Variants in KCNU1 observed in about 807,000 individuals in gnomAD.
The protein encoded by KCNU1 is potassium calcium-activated channel subfamily U member 1.
Under a neutral mutation model 126.8 loss-of-function variants are expected in KCNU1, and 93 were observed. That is an observed-to-expected ratio of 0.73 (90% CI 0.62 to 0.87). The LOEUF (loss-of-function observed/expected upper bound fraction) is 0.87. Among genes scored for constraint, KCNU1 ranks in the 40% least tolerant of loss-of-function variants. KCNU1 has a pLI of 0.00. For missense variants in KCNU1, 1,330 were observed against 1,367.1 expected, an observed-to-expected ratio of 0.97 and a Z score of 0.43; for synonymous variants, 523 against 494.2, an observed-to-expected ratio of 1.06 and a Z score of -0.77.
intron 2 of KCNU1, among the ~76,000 whole-genome samples, chr8:36,802,952 G>A (rs949374381): frequency 2.2e-4 from 33 of 152,234 alleles, no homozygotes; most frequent in Admixed American, 5.9e-4. Flanking sequence ...AATTCAGTTG[G>A]AATCTCCAAA....
intron 19 of KCNU1, among the ~76,000 whole-genome samples, chr8:36,884,850 C>T (rs907729447): frequency 6.6e-6 from 1 of 152,028 alleles, no homozygotes; most frequent in Non-Finnish European, 1.5e-5. Context: ...ATAAGGAAAG[C>T]TGTGGTTGAA....
At chr8:36,907,086 C>A (rs1807661298) in intron 20 of KCNU1, among the ~76,000 whole-genome samples, 1 of 152,066 alleles carries the variant, frequency 6.6e-6, no homozygotes, top group Non-Finnish European at 1.5e-5. Context: ...GTTCAGAATA[C>A]CAACCAGGTC....
chr8:36,785,327 T>C (rs1404705822), intron 1 of KCNU1, among the ~76,000 whole-genome samples: 1 of 152,230 alleles, frequency 6.6e-6, no homozygotes, highest in Admixed American at 6.5e-5. Flanking sequence ...AGAGTTTTAC[T>C]ATACCCTGTG....
intron 10 of KCNU1, among the ~76,000 whole-genome samples, chr8:36,821,565 G>A (rs1423395399): frequency 1.3e-5 from 2 of 152,162 alleles, no homozygotes; most frequent in African/African-American, 2.4e-5. Flanking sequence ...TCTATAAAGA[G>A]ATGAGACTTT....
At chr8:36,872,566 T>C (rs911046914) in intron 19 of KCNU1, among the ~76,000 whole-genome samples, 2 of 152,100 alleles carry the variant, frequency 1.3e-5, no homozygotes, top group Non-Finnish European at 1.5e-5. Context: ...GTAAAATAAA[T>C]AATACAATCT....
intron 18 of KCNU1, among the ~76,000 whole-genome samples, chr8:36,846,292 G>A (rs1805142043): frequency 6.6e-6 from 1 of 152,136 alleles, no homozygotes; most frequent in Non-Finnish European, 1.5e-5. Flanking sequence ...GGTTGGCCAC[G>A]AGGATGCTAC....
chr8:36,835,596 C>T (rs571057009), intron 12 of KCNU1, among the ~76,000 whole-genome samples: 2 of 152,184 alleles, frequency 1.3e-5, no homozygotes, highest in Non-Finnish European at 2.9e-5. Flanking sequence ...CCACCTTAGC[C>T]TCCCAAAGTG....
At chr8:36,930,220 G>A (rs1407502232) in intron 24 of KCNU1, among the ~76,000 whole-genome samples, 2 of 151,778 alleles carry the variant, frequency 1.3e-5, no homozygotes, top group African/African-American at 4.8e-5. Context: ...GTATGTTAAT[G>A]CCTGGTCCAC....
intron 2 of KCNU1, among the ~76,000 whole-genome samples, chr8:36,788,813 T>C (rs769634174): frequency 3.3e-5 from 5 of 152,194 alleles, no homozygotes; most frequent in Non-Finnish European, 5.9e-5. Flanking sequence ...CTTCAAATGT[T>C]CAAGTCATGT....
At chr8:36,903,504 A>G (rs899237850) in intron 19 of KCNU1, among the ~76,000 whole-genome samples, 5 of 152,210 alleles carry the variant, frequency 3.3e-5, no homozygotes, top group Non-Finnish European at 7.4e-5. Context: ...GTAGGGGACA[A>G]TAACAGATAC....
intron 6 of KCNU1, among the ~76,000 whole-genome samples, chr8:36,808,239 A>G (rs1427636963): frequency 6.6e-6 from 1 of 152,178 alleles, no homozygotes; most frequent in Non-Finnish European, 1.5e-5. Flanking sequence ...AGACCTTGTT[A>G]TCAGTCCAGC....
At chr8:36,896,615 A>G (rs1807199593) in intron 19 of KCNU1, among the ~76,000 whole-genome samples, 1 of 152,036 alleles carries the variant, frequency 6.6e-6, no homozygotes, top group African/African-American at 2.4e-5. Flanking sequence ...TGGTGTGTTT[A>G]CTGTTGGACT....
At chr8:36,845,709 C>T in intron 17 of KCNU1, 40 bp downstream of exon 17, 1 of 1,487,004 alleles carries the variant, frequency 6.7e-7, no homozygotes, top group Non-Finnish European at 9.4e-7. Context: ...ACTAAAGCAA[C>T]TACAGCTTAA....
intron 7 of KCNU1, among the ~76,000 whole-genome samples, chr8:36,812,032 C>G (rs140784825): frequency 0.054 from 8,152 of 151,896 alleles, 767 homozygotes; most frequent in African/African-American, 0.19. Flanking sequence ...TCACTGCACT[C>G]CAGCCTGGGT....
intron 10 of KCNU1, among the ~76,000 whole-genome samples, chr8:36,820,371 G>A (rs764618409): frequency 5.9e-5 from 9 of 152,116 alleles, no homozygotes; most frequent in Non-Finnish European, 7.3e-5. Flanking sequence ...GGAGACAGAG[G>A]CCAGAAGAGT....
Position 36,909,538 on chromosome 8 carries a change from AAG to A in KCNU1, c.2331+4_2331+5del. 6.7e-7 allele frequency: 1 copy of A among 1,489,382 alleles called. No individual in the cohort carries two copies. The highest frequency in any genetic ancestry group is 9.4e-7 in the Non-Finnish European group (1 of 1,067,208). 92.3% of individuals were successfully genotyped at this position (1,489,382 alleles called of 1,614,324 possible). A position where few individuals can be genotyped will look rare whatever the true frequency, so the allele number is the denominator to read the frequency against. On this transcript the variant is annotated splice_donor_5th_base_variant and intron_variant, in intron 21 of 26. Coordinates refer to ENST00000399881, the MANE Select transcript of KCNU1 (RefSeq NM_001031836.3). ...TTCCCCAGATATACATTCTGCCTGT[AAG>A]TATCATATAAGGAAAAGTTAATATT...
At chr8:36,823,747 A>C (rs1228012153) in intron 10 of KCNU1, among the ~76,000 whole-genome samples, 1 of 152,114 alleles carries the variant, frequency 6.6e-6, no homozygotes, top group East Asian at 1.9e-4. Flanking sequence ...TAAGAGTTGC[A>C]AATGGGTCAT....
chr8:36,922,620 G>GC lies in KCNU1; in HGVS notation c.2728dup (p.Leu910ProfsTer32). ...TTTCCGGCAGCTTCTTGGATTCTCT[G>GC]CTGGCCACGGTAAGAAAAGCTAAGC... On this transcript the variant is annotated frameshift_variant, in exon 24 of 27. Coordinates refer to ENST00000399881, the MANE Select transcript of KCNU1 (RefSeq NM_001031836.3). LOFTEE classifies it high-confidence loss of function. The GC allele has an allele frequency of 6.2e-7, 1 of 1,612,960 alleles. No individual in the cohort carries two copies. Among genetic ancestry groups the GC allele is most frequent in the Non-Finnish European group, 8.5e-7 (1 of 1,179,460 alleles).
chr8:36,833,515 C>G, intron 10 of KCNU1, 39 bp from the exon 11 acceptor site: 1 of 1,232,272 alleles, frequency 8.1e-7, no homozygotes, highest in Non-Finnish European at 1.2e-6. Context: ...AGTCAATCAT[C>G]TTTTTTCCCT....
Sources: gnomAD v4.1 joint callset for allele counts (sites outside exome capture counted in the v4.1 genomes callset) on GRCh38, gnomAD v4.1.1 for gene constraint, MANE v1.5 for transcripts, NCBI Gene and HGNC (gene_info 2026-07-23, HGNC 2026-07-21) for gene names.